Variants in BCAS3 observed in about 807,000 individuals in gnomAD.
The protein encoded by BCAS3 is BCAS3 microtubule associated cell migration factor.
A neutral mutation model predicts 116.1 loss-of-function variants in BCAS3; 53 were observed. That is an observed-to-expected ratio of 0.46 (90% confidence interval 0.37 to 0.57). The LOEUF is 0.57. BCAS3 is among the 20% of genes least tolerant of loss of function. The probability of loss-of-function intolerance (pLI) is 0.00; values close to 1 mark genes in which losing one functional copy is unlikely to be tolerated. For missense variants in BCAS3, 917 were observed against 1,165.4 expected (o/e 0.79, Z 3.10); for synonymous variants, 391 against 408.2 (o/e 0.96, Z 0.51).
chr17:61,324,601 G>A lies in BCAS3; in HGVS notation c.2426-43726G>A, dbSNP rs1485055516. Among the ~76,000 whole-genome samples the A allele has an allele frequency of 2.6e-5, 4 of 152,142 alleles. No individual in the cohort carries two copies. Among genetic ancestry groups the A allele is most frequent in the Non-Finnish European group, 5.9e-5 (4 of 68,022 alleles). On this transcript the variant is annotated intron_variant, in intron 22 of 23. Transcript: ENST00000407086. The surrounding 1 kb of genome is among the most constrained non-coding windows in gnomAD (Gnocchi z 4.6). ...CAGCACTGAATGACAGTAAAGTAAG[G>A]GCTGGGCCTGGGGTCAGCAGCCTGG...
intron 22 of BCAS3, among the ~76,000 whole-genome samples, chr17:61,113,193 C>T (rs1356917978): frequency 1.7e-5 from 1 of 57,292 alleles, no homozygotes; most frequent in East Asian, 4.8e-4. Flanking sequence ...AAAGCAAGAG[C>T]AAACACATTC....
At chr17:60,679,431 T>G (rs2032633372) in intron 1 of BCAS3, 22 bp from the exon 2 acceptor site, 1 of 1,570,048 alleles carries the variant, frequency 6.4e-7, no homozygotes, top group South Asian at 1.1e-5. Flanking sequence ...GTTTTTTGTT[T>G]GTTTGTTTGT....
At chr17:60,700,205 G>A (rs1189208555) in intron 4 of BCAS3, among the ~76,000 whole-genome samples, 1 of 149,718 alleles carries the variant, frequency 6.7e-6, no homozygotes. Flanking sequence ...CAACTCTTAC[G>A]TGAAGTTTGG....
At chr17:60,715,534 G>T (rs1425097539) in intron 5 of BCAS3, among the ~76,000 whole-genome samples, 1 of 151,330 alleles carries the variant, frequency 6.6e-6, no homozygotes, top group African/African-American at 2.4e-5. Context: ...TGACACTCAG[G>T]CTAGAGTGCA....
At chr17:60,810,380 C>T (rs1238618482) in intron 7 of BCAS3, 1 of 456,970 alleles carries the variant, frequency 2.2e-6, no homozygotes, top group East Asian at 5.0e-5. Flanking sequence ...GGGGGTCTGG[C>T]AGGACTGAGA....
At chr17:60,937,310 G>T in intron 13 of BCAS3, among the ~76,000 whole-genome samples, 1 of 151,400 alleles carries the variant, frequency 6.6e-6, no homozygotes. Flanking sequence ...CATGGGGGTG[G>T]GGTGGCTGCT....
intron 23 of BCAS3, among the ~76,000 whole-genome samples, chr17:61,373,225 G>A (rs2059141208): frequency 6.6e-6 from 1 of 150,880 alleles, no homozygotes; most frequent in South Asian, 2.1e-4. Flanking sequence ...GAGTAACTGG[G>A]ACTCAGATAC....
intron 9 of BCAS3, 21 bp downstream of exon 9, chr17:60,874,759 CCTT>C (rs776305673): frequency 2.0e-5 from 31 of 1,524,662 alleles, no homozygotes; most frequent in Middle Eastern, 1.7e-4. Flanking sequence ...ATTTTTTTTC[CCTT>C]CTTATGCCTT....
At chr17:61,081,105 C>T (rs1358826240) in intron 21 of BCAS3, among the ~76,000 whole-genome samples, 1 of 152,182 alleles carries the variant, frequency 6.6e-6, no homozygotes, top group Non-Finnish European at 1.5e-5. Context: ...TTACAACAGT[C>T]ATTTGGTTAT....
chr17:60,729,375 A>G (rs1300528222), intron 5 of BCAS3, among the ~76,000 whole-genome samples: 1 of 144,688 alleles, frequency 6.9e-6, no homozygotes, highest in Admixed American at 7.0e-5. Context: ...TAGGTGGCAT[A>G]TGTTTAACTA....
In BCAS3 at chr17:61,276,125, C is replaced by T. The variant is rs1463280491; in HGVS notation, c.2426-92202C>T. Among the ~76,000 whole-genome samples the T allele has an allele frequency of 2.6e-5, 4 of 151,900 alleles. No individual in the cohort carries two copies. The highest frequency in any genetic ancestry group is 7.3e-5 in the African/African-American group (3 of 41,350). ...CAGCACTTTGGGAGGCTGAGGTGGG[C>T]GGATCATGAGGTCAGGAGTTCAAGA... On this transcript the variant is annotated intron_variant, in intron 22 of 23. Coordinates refer to ENST00000407086, the MANE Select transcript of BCAS3 (RefSeq NM_017679.5). The surrounding 1 kb of genome is among the most constrained non-coding windows in gnomAD (Gnocchi z 4.2).
At chr17:60,847,188 ATATTT>A (rs199702897) in intron 7 of BCAS3, among the ~76,000 whole-genome samples, 33,212 of 152,188 alleles carry the variant, frequency 0.22, 4,682 homozygotes, top group African/African-American at 0.41. Flanking sequence ...ATTACATTGT[ATATTT>A]TGTATACATT....
intron 13 of BCAS3, among the ~76,000 whole-genome samples, chr17:60,938,296 T>C (rs906898410): frequency 6.6e-6 from 1 of 152,184 alleles, no homozygotes; most frequent in Non-Finnish European, 1.5e-5. Flanking sequence ...TGAATTAATC[T>C]AAAGCTCACC....
chr17:60,777,588 T>C (rs2045428959), intron 6 of BCAS3, among the ~76,000 whole-genome samples: 1 of 151,954 alleles, frequency 6.6e-6, no homozygotes, highest in African/African-American at 2.4e-5. Context: ...ATCATGCCAG[T>C]GCACTCCAGC....
At chr17:60,901,275 C>T (rs933603570) in intron 10 of BCAS3, among the ~76,000 whole-genome samples, 5 of 150,930 alleles carry the variant, frequency 3.3e-5, no homozygotes, top group African/African-American at 1.2e-4. Context: ...ACATATTTGT[C>T]CTTGAGTATT....
intron 16 of BCAS3, among the ~76,000 whole-genome samples, chr17:61,031,390 C>T (rs2066629023): frequency 6.6e-6 from 1 of 151,968 alleles, no homozygotes; most frequent in African/African-American, 2.4e-5. Context: ...ATGTCACTGG[C>T]ATATTGCTAG....
Position 61,367,005 on chromosome 17 carries a change from C to G in BCAS3, c.2426-1322C>G, listed in dbSNP as rs8066898. On this transcript the variant is annotated intron_variant, in intron 22 of 23. Coordinates refer to ENST00000407086, the MANE Select transcript of BCAS3 (RefSeq NM_017679.5). The surrounding 1 kb of genome is among the most constrained non-coding windows in gnomAD (Gnocchi z 6.2). Reference sequence around the variant, plus strand: ...ATCACCTCAATGCTGTGGCCATTATCAGAGGCAGGACCGCCTGCCGAGGCT... The same window carrying G: ...ATCACCTCAATGCTGTGGCCATTATGAGAGGCAGGACCGCCTGCCGAGGCT... Among the ~76,000 whole-genome samples, 3,531 of 152,292 alleles carry G rather than the reference C, an allele frequency of 0.023. 119 individuals carry two copies. The highest frequency in any genetic ancestry group is 0.076 in the African/African-American group (3,139 of 41,534).
At chr17:60,909,298 T>C (rs1286739607) in intron 11 of BCAS3, among the ~76,000 whole-genome samples, 1 of 152,206 alleles carries the variant, frequency 6.6e-6, no homozygotes, top group Non-Finnish European at 1.5e-5. Context: ...TTTAGACCTC[T>C]ATACACAACT....
At chr17:60,950,355 T>C (rs1599907702) in intron 14 of BCAS3, among the ~76,000 whole-genome samples, 1 of 152,168 alleles carries the variant, frequency 6.6e-6, no homozygotes, top group Non-Finnish European at 1.5e-5. Flanking sequence ...AGTAAATGCA[T>C]TGTGAAAACT....
Sources: gnomAD v4.1 joint callset for allele counts (sites outside exome capture counted in the v4.1 genomes callset) on GRCh38, gnomAD v4.1.1 for gene constraint, Gnocchi (gnomAD v3.1) non-coding constraint, MANE v1.5 for transcripts, NCBI Gene and HGNC (gene_info 2026-07-23, HGNC 2026-07-21) for gene names.